The following B3GAT2 variants were observed in gnomAD, a reference collection of about 807,000 sequenced individuals.
B3GAT2 encodes galactosylgalactosylxylosylprotein 3-beta-glucuronosyltransferase 2.
Under a neutral mutation model 27.8 loss-of-function variants are expected in B3GAT2, and 26 were observed. The ratio of observed to expected loss-of-function variants is 0.93; its 90% CI spans 0.68 to 1.30. B3GAT2 has a LOEUF of 1.30. Ranked by LOEUF, B3GAT2 falls within the 50% of genes most tolerant of loss-of-function variation. B3GAT2 has a pLI of 0.00. For missense variants in B3GAT2, 458 were observed against 459.0 expected, an observed-to-expected ratio of 1.00 and a Z score of 0.02; for synonymous variants, 218 against 195.1, an observed-to-expected ratio of 1.12 and a Z score of -0.98.
At chr6:70,916,595 T>C (rs1452781161) in intron 1 of B3GAT2, among the ~76,000 whole-genome samples, 5 of 152,226 alleles carry the variant, frequency 3.3e-5, no homozygotes, top group African/African-American at 1.2e-4. Flanking sequence ...ATTGAGAGTT[T>C]TTAGCATGAA....
chr6:70,876,672 A>G (rs1246144118), intron 2 of B3GAT2, among the ~76,000 whole-genome samples: 3 of 152,136 alleles, frequency 2.0e-5, no homozygotes, highest in African/African-American at 7.2e-5. Context: ...AAAGGATGTT[A>G]TCTTTCATTT....
At chr6:70,909,999 G>C (rs1293761475) in intron 1 of B3GAT2, among the ~76,000 whole-genome samples, 1 of 151,960 alleles carries the variant, frequency 6.6e-6, no homozygotes, top group Middle Eastern at 3.4e-3. Context: ...TCAGTCTCCC[G>C]AGTAGCTGGG....
chr6:70,868,379 TCTTC>T (rs1432483996), intron 2 of B3GAT2, among the ~76,000 whole-genome samples: 1 of 152,164 alleles, frequency 6.6e-6, no homozygotes, highest in Non-Finnish European at 1.5e-5. Context: ...AGCCTCCTCT[TCTTC>T]CTTCAGCCAC....
chr6:70,864,389 T>G (rs984061222), intron 2 of B3GAT2, among the ~76,000 whole-genome samples: 1 of 152,196 alleles, frequency 6.6e-6, no homozygotes, highest in Non-Finnish European at 1.5e-5. Context: ...ACAATTTATG[T>G]AAAGTTAACA....
At chr6:70,883,383 T>C (rs1040116637) in intron 2 of B3GAT2, among the ~76,000 whole-genome samples, 12 of 151,312 alleles carry the variant, frequency 7.9e-5, no homozygotes, top group Admixed American at 7.9e-4. Context: ...AATGGAATAT[T>C]AGTAGCCTTA....
chr6:70,887,112 A>G (rs1231823585), intron 2 of B3GAT2, among the ~76,000 whole-genome samples: 1 of 152,236 alleles, frequency 6.6e-6, no homozygotes, highest in African/African-American at 2.4e-5. Context: ...GAATGACTCC[A>G]AAGTGGCAGG....
intron 1 of B3GAT2, among the ~76,000 whole-genome samples, chr6:70,931,750 A>C (rs192207147): frequency 1.3e-5 from 2 of 152,342 alleles, no homozygotes. Flanking sequence ...TGAATTTGGC[A>C]TGATTTCTTA....
At chr6:70,894,825 AT>A (rs1772351329) in intron 1 of B3GAT2, among the ~76,000 whole-genome samples, 2 of 152,058 alleles carry the variant, frequency 1.3e-5, no homozygotes, top group South Asian at 4.1e-4. Context: ...TACCCTAAAC[AT>A]TTGCCTGCCT....
chr6:70,950,298 AAATT>A (rs1194208968), intron 1 of B3GAT2, among the ~76,000 whole-genome samples: 4 of 76,804 alleles, frequency 5.2e-5, no homozygotes, highest in South Asian at 3.3e-4. Flanking sequence ...CAAAAAAAAA[AAATT>A]TTATTTTTCA....
intron 2 of B3GAT2, among the ~76,000 whole-genome samples, chr6:70,886,717 C>T (rs990375190): frequency 7.2e-5 from 11 of 152,286 alleles, no homozygotes; most frequent in African/African-American, 2.6e-4. Flanking sequence ...CCCACCTCTA[C>T]CCAGCACAGC....
chr6:70,949,036 T>A (rs1194430111), intron 1 of B3GAT2, among the ~76,000 whole-genome samples: 2 of 152,144 alleles, frequency 1.3e-5, no homozygotes, highest in African/African-American at 4.8e-5. Context: ...GATCCCTTCC[T>A]TACACCTTAT....
rs188347261 is a variant in B3GAT2, at chr6:70,860,755, A to G, written c.*908T>C. 1.2e-5 allele frequency: 5 copies of G among 400,020 alleles called. No individual in the cohort carries two copies. The Admixed American group carries it at 1.7e-4, about 14-fold the overall frequency. The allele number at this position is 400,020 out of a possible 1,614,324, so 24.8% of individuals were successfully genotyped here. A position where few individuals can be genotyped will look rare whatever the true frequency, so the allele number is the denominator to read the frequency against. On this transcript the variant is annotated 3_prime_UTR_variant, in exon 4 of 4. Transcript: ENST00000230053. The stretch of plus-strand genomic sequence containing the variant: ...GTACTGTATGATCAAATGTTTAATC[A>G]TATAAATAGAATGTAAATGTCTCAC...
chr6:70,937,624 G>T (rs1468441559), intron 1 of B3GAT2, among the ~76,000 whole-genome samples: 3 of 151,172 alleles, frequency 2.0e-5, no homozygotes, highest in African/African-American at 7.3e-5. Context: ...ATGTAATCCA[G>T]CATATAAACA....
At chr6:70,896,170 G>C (rs184703378) in intron 1 of B3GAT2, among the ~76,000 whole-genome samples, 142 of 152,186 alleles carry the variant, frequency 9.3e-4, no homozygotes, top group African/African-American at 3.3e-3. Flanking sequence ...TTCACTACTG[G>C]AGAGGTGGTA....
In B3GAT2 at chr6:70,955,839, C is replaced by T; in HGVS notation, c.591G>A (p.Glu197=). The change falls in exon 1 of 4, where the codon GAG becomes GAA. Residue 197 remains glutamate, a splice_region_variant and synonymous_variant. Coordinates refer to ENST00000230053, the MANE Select transcript of B3GAT2 (RefSeq NM_080742.3). ...DNTYSLELFQ[E]MRTTRKVSVW... The stretch of plus-strand genomic sequence containing the variant: ...CCCAGCGGGGCAGGCTGGCCTTTAC[C>T]TCCTGGAAGAGCTCCAGACTATAGG... 6.3e-7 allele frequency: 1 copy of T among 1,593,220 alleles called. No homozygotes were observed. The highest frequency in any genetic ancestry group is 8.5e-7 in the Non-Finnish European group (1 of 1,171,116).
chr6:70,901,609 C>A (rs1323461177), intron 1 of B3GAT2, among the ~76,000 whole-genome samples: 3 of 152,194 alleles, frequency 2.0e-5, no homozygotes, highest in African/African-American at 7.2e-5. Context: ...ATGAAAGTGG[C>A]GTAGAGTGGC....
At chr6:70,878,941 G>A (rs554968657) in intron 2 of B3GAT2, among the ~76,000 whole-genome samples, 7 of 151,262 alleles carry the variant, frequency 4.6e-5, no homozygotes, top group East Asian at 2.0e-4. Flanking sequence ...TATCCTCTCC[G>A]TCACCAGCAG....
At chr6:70,927,525 C>T (rs935448941) in intron 1 of B3GAT2, among the ~76,000 whole-genome samples, 1 of 152,160 alleles carries the variant, frequency 6.6e-6, no homozygotes, top group Non-Finnish European at 1.5e-5. Context: ...GGGTTGCTAT[C>T]CTAGTCTCTG....
In B3GAT2 at chr6:70,861,638, A is replaced by T. The variant is rs918864878; in HGVS notation, c.*25T>A. The T allele has an allele frequency of 3.7e-6, 6 of 1,604,928 alleles. No individual in the cohort carries two copies. Among genetic ancestry groups the T allele is most frequent in the Non-Finnish European group, 4.3e-6 (5 of 1,172,456 alleles). ...TTCCATATGGATCCACTGGCTGGAC[A>T]AACTGCACCAGTTGCTGCTTCAATT... On this transcript the variant is annotated 3_prime_UTR_variant, in exon 4 of 4. Coordinates refer to ENST00000230053, the MANE Select transcript of B3GAT2 (RefSeq NM_080742.3).
Sources: gnomAD v4.1 joint callset for allele counts (sites outside exome capture counted in the v4.1 genomes callset) on GRCh38, gnomAD v4.1.1 for gene constraint, MANE v1.5 for transcripts, NCBI Gene and HGNC (gene_info 2026-07-23, HGNC 2026-07-21) for gene names.